Variants in DLEC1 observed in about 807,000 individuals in gnomAD.
DLEC1 encodes the protein deleted in lung and esophageal cancer protein 1.
In DLEC1, 146 loss-of-function variants were observed where a neutral mutation model predicts 198.1. The observed-to-expected ratio is 0.74, with a 90% CI of 0.64 to 0.85. The LOEUF is 0.85. DLEC1 is among the 40% of genes least tolerant of loss of function. The pLI, the probability that DLEC1 is intolerant of heterozygous loss-of-function variation, is 0.00. For synonymous variants in DLEC1, 897 were observed against 866.8 expected (o/e 1.03, Z -0.61); for missense variants, 2,233 against 2,220.0 (o/e 1.01, Z -0.12).
chr3:38,076,243 A>G (rs938111967), intron 6 of DLEC1, among the ~76,000 whole-genome samples: 1 of 152,146 alleles, frequency 6.6e-6, no homozygotes, highest in African/African-American at 2.4e-5. Context: ...AATTGGTGAG[A>G]TGTTTCTTGG....
Position 38,117,293 on chromosome 3 carries a change from G to C in DLEC1, c.4391G>C (p.Arg1464Thr). ...AAACTGGACCTGCATAGCTACGTGA[G>C]GCCTGCACAGTGAGTCAGCTGGGGT... ...PLKLDLHSYV[R>T]PAQLSVELDY... Residue 1464 changes from arginine (R) to threonine (T), a missense_variant, in exon 31 of 37, where the codon AGG (arginine) becomes ACG (threonine). Coordinates refer to ENST00000308059, the MANE Select transcript of DLEC1 (RefSeq NM_007335.4). The C allele has an allele frequency of 2.5e-6, 4 of 1,614,088 alleles. No homozygotes were observed. Among genetic ancestry groups the C allele is most frequent in the Non-Finnish European group, 3.4e-6 (4 of 1,179,976 alleles).
In DLEC1 at chr3:38,107,745, A is replaced by G; in HGVS notation, c.3018+8A>G. On this transcript the variant is annotated splice_region_variant and intron_variant, in intron 20 of 36. Transcript: ENST00000308059. Reference sequence around the variant, plus strand: ...CAGTTCCACTGGGGCAAGGTGAGTGAGCCCACAGCATCAGGCAGCAGTCTG... The same window carrying G: ...CAGTTCCACTGGGGCAAGGTGAGTGGGCCCACAGCATCAGGCAGCAGTCTG... 6.2e-7 allele frequency: 1 copy of G among 1,613,108 alleles called. No individual in the cohort carries two copies. The highest frequency in any genetic ancestry group is 8.5e-7 in the Non-Finnish European group (1 of 1,179,560).
intron 13 of DLEC1, 101 bp downstream of exon 13, chr3:38,095,172 C>A: frequency 6.9e-7 from 1 of 1,453,878 alleles, no homozygotes; most frequent in East Asian, 2.3e-5. Context: ...CTGGGCCCAC[C>A]GAGGTGCTAT....
At chr3:38,051,341 C>T (rs1285532688) in intron 2 of DLEC1, among the ~76,000 whole-genome samples, 1 of 152,228 alleles carries the variant, frequency 6.6e-6, no homozygotes, top group East Asian at 1.9e-4. Context: ...CTCCCTGGTC[C>T]ACCGCGGTCC....
At position 38,070,207 on chromosome 3, in the gene DLEC1, G is replaced by C. The variant is rs6778943; in HGVS notation, c.1173+6288G>C. Among the ~76,000 whole-genome samples, 38 of 152,048 alleles carry C rather than the reference G, an allele frequency of 2.5e-4. No homozygotes were observed. In the South Asian group the frequency reaches 6.9e-3, roughly 27 times the overall value. On this transcript the variant is annotated intron_variant, in intron 6 of 36. Coordinates refer to ENST00000308059, the MANE Select transcript of DLEC1 (RefSeq NM_007335.4). The stretch of plus-strand genomic sequence containing the variant: ...GGCTTAAAGGGGGTGAGTGGGTTGC[G>C]TAAGAGGCCCAATTACATCCTGACA...
At chr3:38,092,685 T>G (rs1698800863) in intron 10 of DLEC1, 105 bp from the exon 11 acceptor site, 1 of 1,024,928 alleles carries the variant, frequency 9.8e-7, no homozygotes, top group Non-Finnish European at 1.5e-6. Flanking sequence ...GAACAGAGAG[T>G]GAAGAGCAAA....
chr3:38,060,969 G>A (rs921643721), intron 3 of DLEC1, among the ~76,000 whole-genome samples: 3 of 152,168 alleles, frequency 2.0e-5, no homozygotes, highest in Non-Finnish European at 2.9e-5. Context: ...ACAGGCATGA[G>A]CCACCGCACC....
intron 6 of DLEC1, among the ~76,000 whole-genome samples, chr3:38,080,608 G>T (rs1697924165): frequency 6.6e-6 from 1 of 152,078 alleles, no homozygotes; most frequent in Non-Finnish European, 1.5e-5. Context: ...TTGTATTGGG[G>T]CCAAGCGGTG....
intron 6 of DLEC1, among the ~76,000 whole-genome samples, chr3:38,071,618 G>A (rs1170559993): frequency 1.3e-5 from 2 of 152,220 alleles, no homozygotes; most frequent in East Asian, 1.9e-4. Flanking sequence ...AAGTTGGAGA[G>A]CTAGCTGCTT....
At chr3:38,108,912 G>A (rs922589673) in intron 21 of DLEC1, among the ~76,000 whole-genome samples, 4 of 152,348 alleles carry the variant, frequency 2.6e-5, no homozygotes, top group African/African-American at 9.6e-5. Context: ...TAGGTTTCCC[G>A]CTGGAGGCCA....
Position 38,112,608 on chromosome 3 carries a change from C to G in DLEC1, c.3666+247C>G, listed in dbSNP as rs920449209. Among the ~76,000 whole-genome samples the G allele has an allele frequency of 6.6e-6, 1 of 152,190 alleles. No homozygotes were observed. Among genetic ancestry groups the G allele is most frequent in the Non-Finnish European group, 1.5e-5 (1 of 68,020 alleles). On this transcript the variant is annotated intron_variant, in intron 25 of 36. Coordinates refer to ENST00000308059, the MANE Select transcript of DLEC1 (RefSeq NM_007335.4). The surrounding 1 kb of genome is among the most constrained non-coding windows in gnomAD (Gnocchi z 4.8). Reference sequence around the variant, plus strand: ...TTTCCACACCTTTTCCCAGGAGATGCAGGGCTGGGGCCATATCGAGGAGGG... The same window carrying G: ...TTTCCACACCTTTTCCCAGGAGATGGAGGGCTGGGGCCATATCGAGGAGGG...
rs1025001724 is a variant in DLEC1 at position 38,079,199 on chromosome 3, A to G, written c.1174-4959A>G. The stretch of plus-strand genomic sequence containing the variant: ...AGGGCAGCAATGAGATGTAGCTGTA[A>G]TCCAGGAATAGTCAGGGAAGCAGAT... On this transcript the variant is annotated intron_variant, in intron 6 of 36. Coordinates refer to ENST00000308059, the MANE Select transcript of DLEC1 (RefSeq NM_007335.4). Among the ~76,000 whole-genome samples, 9 of 152,246 alleles carry G rather than the reference A, an allele frequency of 5.9e-5. No homozygotes were observed. The South Asian group carries it at 1.2e-3, about 21-fold the overall frequency.
chr3:38,096,372 T>C (rs9845917), intron 14 of DLEC1, among the ~76,000 whole-genome samples, 197 bp from the exon 15 acceptor site: 64,158 of 152,068 alleles, frequency 0.42, 14,168 homozygotes, highest in East Asian at 0.58. Context: ...CCAGTCCTTA[T>C]GCTAAACCAC....
chr3:38,117,723 C>A, intron 32 of DLEC1, 83 bp from the exon 33 acceptor site: 2 of 1,574,530 alleles, frequency 1.3e-6, no homozygotes, highest in Non-Finnish European at 1.7e-6. Flanking sequence ...CCTCCCCCAG[C>A]CCTCCCAGCC....
At position 38,110,294 on chromosome 3, in the gene DLEC1, T is replaced by G. The variant is rs1367417401; in HGVS notation, c.3443+13T>G. 1.9e-6 allele frequency: 3 copies of G among 1,613,878 alleles called. No homozygotes were observed. The highest frequency in any genetic ancestry group is 2.2e-5 in the South Asian group (2 of 91,072). ...AAAAGACCAGCCTGTAAGTCTTGCTTCTTTCACTTCCCAGGGCAGATGAAG... is the reference window on the plus strand; with the variant it reads ...AAAAGACCAGCCTGTAAGTCTTGCTGCTTTCACTTCCCAGGGCAGATGAAG... On this transcript the variant is annotated intron_variant, in intron 23 of 36. Transcript: ENST00000308059.
chr3:38,117,783 C>T (rs776286733), intron 32 of DLEC1, 23 bp from the exon 33 acceptor site: 12 of 1,613,780 alleles, frequency 7.4e-6, no homozygotes, highest in African/African-American at 1.3e-5. Flanking sequence ...CATTCCCTGC[C>T]TCCTACCTCT....
At chr3:38,052,586 G>A (rs369523737) in intron 2 of DLEC1, among the ~76,000 whole-genome samples, 4 of 152,200 alleles carry the variant, frequency 2.6e-5, no homozygotes, top group African/African-American at 4.8e-5. Context: ...AAGTTGTGGC[G>A]CAGAGCTGAA....
chr3:38,109,451 C>T lies in DLEC1; in HGVS notation c.3149C>T (p.Ala1050Val). Residue 1050 changes from alanine (A) to valine (V), a missense_variant, in exon 22 of 37, where the codon GCC (alanine) becomes GTC (valine). Ala to Val is a moderately conservative substitution (Grantham distance 64, BLOSUM62 0). Coordinates refer to ENST00000308059, the MANE Select transcript of DLEC1 (RefSeq NM_007335.4). Reference sequence around the variant, plus strand: ...TTATAGGAAGAGCTGACCCATCTGGCCCTCCCTTGTCACGTGTCAGGCATG... The same window carrying T: ...TTATAGGAAGAGCTGACCCATCTGGTCCTCCCTTGTCACGTGTCAGGCATG... ...AHTQEELTHL[A>V]LPCHVSGMKK... The T allele has an allele frequency of 1.2e-6, 2 of 1,614,176 alleles. No homozygotes were observed. Among genetic ancestry groups the T allele is most frequent in the East Asian group, 2.2e-5 (1 of 44,886 alleles).
intron 19 of DLEC1, 103 bp downstream of exon 19, chr3:38,100,528 T>C (rs1575203194): frequency 2.2e-6 from 3 of 1,358,644 alleles, no homozygotes; most frequent in East Asian, 2.8e-5. Context: ...TTTAAAACTA[T>C]TGAATCCAGA....
Sources: gnomAD v4.1 joint callset for allele counts (sites outside exome capture counted in the v4.1 genomes callset) on GRCh38, gnomAD v4.1.1 for gene constraint, Gnocchi (gnomAD v3.1) non-coding constraint, MANE v1.5 for transcripts, NCBI Gene and HGNC (gene_info 2026-07-23, HGNC 2026-07-21) for gene names.